EYA3: variants seen among roughly 807,000 people sequenced by gnomAD.
EYA3 encodes the protein protein phosphatase EYA3.
In EYA3, 39 loss-of-function variants were observed where a neutral mutation model predicts 80.0. The ratio of observed to expected loss-of-function variants is 0.49; its 90% CI spans 0.38 to 0.64. EYA3 has a LOEUF of 0.64. Ranked by LOEUF, EYA3 falls within the 30% of genes least tolerant of loss-of-function variation. EYA3 has a pLI of 0.00. For missense variants in EYA3, 523 were observed against 676.1 expected, an observed-to-expected ratio of 0.77 and a Z score of 2.51; for synonymous variants, 206 against 232.8, an observed-to-expected ratio of 0.88 and a Z score of 1.05.
At position 28,021,196 on chromosome 1, in the gene EYA3, C is replaced by A. The variant is rs76176983; in HGVS notation, c.500-3957G>T. ...TCACACTGTCTTTCTTTAAGTTACT[C>A]AAAACCGGACAAGCTCTTTATCATT... On this transcript the variant is annotated intron_variant, in intron 7 of 17. Coordinates refer to ENST00000373871, the MANE Select transcript of EYA3 (RefSeq NM_001990.4). Among the ~76,000 whole-genome samples the A allele has an allele frequency of 1.2e-4, 18 of 152,310 alleles. No individual in the cohort carries two copies. The East Asian group carries it at 2.9e-3, about 24-fold the overall frequency.
At chr1:28,080,643 T>C (rs1645389107) in intron 1 of EYA3, among the ~76,000 whole-genome samples, 8 of 147,612 alleles carry the variant, frequency 5.4e-5, no homozygotes, top group Admixed American at 5.4e-4. Flanking sequence ...CAGAAAAGTT[T>C]AAAAGCCACT....
At position 28,004,363 on chromosome 1, in the gene EYA3, A is replaced by G. The variant is rs1207292565; in HGVS notation, c.966T>C (p.Thr322=). The G allele has an allele frequency of 5.0e-6, 8 of 1,607,136 alleles. No homozygotes were observed. Among genetic ancestry groups the G allele is most frequent in the Non-Finnish European group, 6.8e-6 (8 of 1,174,846 alleles). The change falls in exon 11 of 18, where the codon ACT becomes ACC. Residue 322 remains threonine (T), a synonymous_variant. Coordinates refer to ENST00000373871, the MANE Select transcript of EYA3 (RefSeq NM_001990.4). ...TTCCATATTTCTGGGCATAGGATCC[A>G]GTAAGAAGTGAGTGGAAGATGATGA... The part of the protein sequence containing the change: ...ETIIIFHSLL[T]GSYAQKYGKD...
intron 2 of EYA3, among the ~76,000 whole-genome samples, chr1:28,056,556 A>G (rs12406786): frequency 0.23 from 34,439 of 152,146 alleles, 4,100 homozygotes; most frequent in Non-Finnish European, 0.27. Context: ...GGCATAAATC[A>G]ATAAGGAAAT....
At chr1:28,051,113 A>T (rs1644230503) in intron 2 of EYA3, among the ~76,000 whole-genome samples, 1 of 152,234 alleles carries the variant, frequency 6.6e-6, no homozygotes, top group Admixed American at 6.5e-5. Flanking sequence ...GTAGTAGGAC[A>T]GTAATACAAG....
At chr1:28,004,458 A>T (rs775396985) in intron 10 of EYA3, 39 bp from the exon 11 acceptor site, 62 of 1,452,420 alleles carry the variant, frequency 4.3e-5, no homozygotes, top group Admixed American at 1.0e-4. Flanking sequence ...ATATTTTCCA[A>T]TTACAATGGA....
In EYA3 at chr1:28,086,699, G is replaced by A. The variant is rs140147330; in HGVS notation, c.-69+1825C>T. 5.8e-3 allele frequency among the ~76,000 whole-genome samples: 880 copies of A among 152,310 alleles called. 3 individuals are homozygous for A. The highest frequency in any genetic ancestry group is 8.0e-3 in the Non-Finnish European group (541 of 68,022). On this transcript the variant is annotated intron_variant, in intron 1 of 17. Transcript: ENST00000373871. The stretch of plus-strand genomic sequence containing the variant: ...TGAAGCCCACAAACCTGAAGGTAAG[G>A]AAGCAGCTGGAGTAAGCCATACACA...
At chr1:28,034,766 A>T (rs1205625452) in intron 6 of EYA3, among the ~76,000 whole-genome samples, 9 of 152,194 alleles carry the variant, frequency 5.9e-5, no homozygotes, top group Non-Finnish European at 1.3e-4. Context: ...TCTAATTCGT[A>T]GCTTGATTAA....
intron 3 of EYA3, among the ~76,000 whole-genome samples, chr1:28,046,936 C>A (rs942677351): frequency 2.6e-5 from 4 of 151,780 alleles, no homozygotes; most frequent in Non-Finnish European, 5.9e-5. Context: ...CAACTTCTGG[C>A]CCCTGGGCTC....
chr1:28,031,341 T>C (rs1571849861), intron 6 of EYA3, among the ~76,000 whole-genome samples: 2 of 152,200 alleles, frequency 1.3e-5, no homozygotes, highest in Non-Finnish European at 2.9e-5. Context: ...CACAGCACTA[T>C]TGCTCATAGT....
chr1:28,038,950 C>T (rs778062151), intron 4 of EYA3, 45 bp from the exon 5 acceptor site: 8 of 1,341,514 alleles, frequency 6.0e-6, no homozygotes, highest in African/African-American at 1.4e-5. Flanking sequence ...TAGAACATTT[C>T]GAAAATGGAA....
intron 1 of EYA3, among the ~76,000 whole-genome samples, chr1:28,060,742 A>G (rs1178360962): frequency 1.3e-5 from 2 of 152,154 alleles, no homozygotes; most frequent in Admixed American, 6.5e-5. Flanking sequence ...CTGGCCAGGC[A>G]TGGTGGCTCA....
intron 1 of EYA3, among the ~76,000 whole-genome samples, chr1:28,084,738 A>G (rs1216713726): frequency 6.7e-6 from 1 of 148,660 alleles, no homozygotes; most frequent in Non-Finnish European, 1.5e-5. Flanking sequence ...TCTCCCGAGT[A>G]GCTGGGACTA....
At chr1:28,022,404 T>G (rs1395916680) in intron 7 of EYA3, among the ~76,000 whole-genome samples, 1 of 151,992 alleles carries the variant, frequency 6.6e-6, no homozygotes, top group African/African-American at 2.4e-5. Flanking sequence ...TGCATCCACC[T>G]CCCAAAGTGC....
In EYA3 at chr1:28,013,689, C is replaced by T. The variant is rs994956232; in HGVS notation, c.586-395G>A. Among the ~76,000 whole-genome samples the T allele has an allele frequency of 6.6e-6, 1 of 152,172 alleles. No homozygotes were observed. Among genetic ancestry groups the T allele is most frequent in the African/African-American group, 2.4e-5 (1 of 41,448 alleles). Reference sequence around the variant, plus strand: ...CAAACTGTTGCACTAGATAATAGCACTTCTAAGGACAACAAAACAAAACTT... The same window carrying T: ...CAAACTGTTGCACTAGATAATAGCATTTCTAAGGACAACAAAACAAAACTT... On this transcript the variant is annotated intron_variant, in intron 8 of 17. Coordinates refer to ENST00000373871, the MANE Select transcript of EYA3 (RefSeq NM_001990.4). The surrounding 1 kb of genome is among the most constrained non-coding windows in gnomAD (Gnocchi z 4.0).
At position 27,971,673 on chromosome 1, in the gene EYA3, A is replaced by G. The variant is rs1638736879; in HGVS notation, c.*2793T>C. 1 of 151,606 alleles carries G rather than the reference A, an allele frequency of 6.6e-6. No individual in the cohort carries two copies. Among genetic ancestry groups the G allele is most frequent in the Admixed American group, 6.6e-5 (1 of 15,212 alleles). The allele number at this position is 151,606 out of a possible 1,614,324, so 9.4% of individuals were successfully genotyped here. Reference sequence around the variant, plus strand: ...CTAGGGAAGGACTCATCATTTGGCTAATTTCATGAGGACTCTAATGAAGAG... The same window carrying G: ...CTAGGGAAGGACTCATCATTTGGCTGATTTCATGAGGACTCTAATGAAGAG... On this transcript the variant is annotated 3_prime_UTR_variant, in exon 18 of 18. Transcript: ENST00000373871.
Position 28,057,201 on chromosome 1 carries a change from G to T in EYA3, c.33+793C>A, listed in dbSNP as rs1457274319. ...TTAAATGGGAGCTAGTATACCTAAA[G>T]AATACAACTAGAACACGAAAAACAT... On this transcript the variant is annotated intron_variant, in intron 2 of 17. Transcript: ENST00000373871. Among the ~76,000 whole-genome samples, 10 of 152,138 alleles carry T rather than the reference G, an allele frequency of 6.6e-5. No homozygotes were observed. In the East Asian group the frequency reaches 1.9e-3, roughly 29 times the overall value.
rs186973231 is a variant in EYA3 at position 28,026,894 on chromosome 1, T to A, written c.499+895A>T. On this transcript the variant is annotated intron_variant, in intron 7 of 17. Transcript: ENST00000373871. Reference sequence around the variant, plus strand: ...TTCCACTAGACCAAGGAGAAGTAGTTTTCAAACATTTCTGAAAACAGTTAA... The same window carrying A: ...TTCCACTAGACCAAGGAGAAGTAGTATTCAAACATTTCTGAAAACAGTTAA... 6.5e-3 allele frequency among the ~76,000 whole-genome samples: 985 copies of A among 152,226 alleles called. 3 individuals are homozygous for A. Among genetic ancestry groups the A allele is most frequent in the Non-Finnish European group, 0.011 (721 of 68,004 alleles).
chr1:28,050,562 A>G (rs1644208579), intron 2 of EYA3, among the ~76,000 whole-genome samples: 1 of 152,086 alleles, frequency 6.6e-6, no homozygotes. Context: ...TTTTTAATTT[A>G]TTACCGTGCC....
intron 2 of EYA3, among the ~76,000 whole-genome samples, chr1:28,055,462 CTTTTTTTTTTT>C (rs531586344): frequency 1.9e-5 from 2 of 106,954 alleles, no homozygotes. Context: ...TAAAGAAAAT[CTTTTTTTTTTT>C]TTTTTTTTTT....
Sources: allele counts gnomAD v4.1 joint callset (sites outside exome capture counted in the v4.1 genomes callset), GRCh38; gene constraint gnomAD v4.1.1; non-coding constraint Gnocchi (gnomAD v3.1); transcripts MANE v1.5; gene names NCBI Gene and HGNC (gene_info 2026-07-23, HGNC 2026-07-21).